The following FBXL16 variants were observed in gnomAD, a reference collection of about 807,000 sequenced individuals.
FBXL16 encodes F-box/LRR-repeat protein 16.
FBXL16 carries 7 observed loss-of-function variants against 36.7 expected under a neutral mutation model. The observed-to-expected ratio is 0.19, with a 90% CI of 0.11 to 0.36. The LOEUF is 0.36. FBXL16 is among the 10% of genes least tolerant of loss of function. FBXL16 has a pLI of 1.00. For missense variants in FBXL16, 463 were observed against 659.4 expected, an observed-to-expected ratio of 0.70 and a Z score of 3.26; for synonymous variants, 355 against 308.7, an observed-to-expected ratio of 1.15 and a Z score of -1.57.
At chr16:695,353 CGCCCCGCCCCGTGCAGCCCCGCCCG>C (rs1435656928) in intron 3 of FBXL16, 37 bp downstream of exon 3, 1 of 1,119,140 alleles carries the variant, frequency 8.9e-7, no homozygotes, top group Non-Finnish European at 1.1e-6. Flanking sequence ...AGCCCCGCCC[CGCCCCGCCCCGTGCAGCCCCGCCCG>C]GCCCAGCCCC....
At chr16:695,282 G>A (rs2040001780) in intron 3 of FBXL16, 133 bp downstream of exon 3, 6 of 1,180,372 alleles carry the variant, frequency 5.1e-6, no homozygotes, top group East Asian at 3.8e-5. Context: ...AGGCTCCGAG[G>A]GCTCTGCCCG....
At position 695,401 on chromosome 16, in the gene FBXL16, C is replaced by A. The variant is rs746726293; in HGVS notation, c.1142+14G>T. 6.6e-7 allele frequency: 1 copy of A among 1,520,838 alleles called. No homozygotes were observed. Among genetic ancestry groups the A allele is most frequent in the Middle Eastern group, 1.8e-4 (1 of 5,412 alleles). 94.2% of individuals were successfully genotyped at this position (1,520,838 alleles called of 1,614,324 possible). On this transcript the variant is annotated intron_variant, in intron 3 of 5. Transcript: ENST00000397621. The stretch of plus-strand genomic sequence containing the variant: ...CCGGCCCAGCCCCGCCCGGCGCGGC[C>A]CGGGGGCGCGCACCTGTCGAGCACG...
At chr16:695,329 C>G in intron 3 of FBXL16, 86 bp downstream of exon 3, 3 of 1,078,626 alleles carry the variant, frequency 2.8e-6, no homozygotes, top group Non-Finnish European at 3.4e-6. Context: ...AAGCCCCCGC[C>G]CCCGGCCCCG....
In FBXL16 at chr16:695,022, G is replaced by A; in HGVS notation, c.1197C>T (p.Leu399=). The A allele has an allele frequency of 1.3e-6, 2 of 1,571,540 alleles. No homozygotes were observed. The highest frequency in any genetic ancestry group is 1.2e-5 in the South Asian group (1 of 85,910). Residue 399 remains leucine, a synonymous_variant, in exon 4 of 6, where the codon CTC becomes CTT. Coordinates refer to ENST00000397621, the MANE Select transcript of FBXL16 (RefSeq NM_153350.4). ...AGCACCATCGCAGGTAGAGGCTGCG[G>A]AGGGACGACATGGTGGACAGATAGC... The part of the protein sequence containing the change: ...GLSYLSTMSS[L]RSLYLRWCCQ...
intron 3 of FBXL16, 48 bp downstream of exon 3, chr16:695,367 C>A (rs1483147708): frequency 3.0e-6 from 4 of 1,331,864 alleles, no homozygotes; most frequent in Admixed American, 6.9e-5. Context: ...CCGCCCCGTG[C>A]AGCCCCGCCC....
Position 697,646 on chromosome 16 carries a change from A to T in FBXL16, c.-14-227T>A, listed in dbSNP as rs1467179078. On this transcript the variant is annotated intron_variant, in intron 1 of 5. Coordinates refer to ENST00000397621, the MANE Select transcript of FBXL16 (RefSeq NM_153350.4). This position sits in a 1 kb window ranked among gnomAD's most constrained non-coding sequence, Gnocchi z 4.6. Reference sequence around the variant, plus strand: ...CACTCACTGGGCACCTACGGTATGCACTGAGCCCAACCTTCATTGCCCATG... The same window carrying T: ...CACTCACTGGGCACCTACGGTATGCTCTGAGCCCAACCTTCATTGCCCATG... Among the ~76,000 whole-genome samples the T allele has an allele frequency of 6.6e-6, 1 of 152,188 alleles. No homozygotes were observed. The highest frequency in any genetic ancestry group is 1.5e-5 in the Non-Finnish European group (1 of 68,032).
chr16:694,667 C>T lies in FBXL16; in HGVS notation c.1258G>A (p.Ala420Thr). 6.2e-7 allele frequency: 1 copy of T among 1,609,702 alleles called. No individual in the cohort carries two copies. Among genetic ancestry groups the T allele is most frequent in the Non-Finnish European group, 8.5e-7 (1 of 1,178,362 alleles). Residue 420 changes from alanine (A) to threonine (T), a missense_variant, in exon 5 of 6, where the codon GCC becomes ACC. Around this residue, in one of 3 missense-constraint regions of FBXL16, gnomAD observed 134 missense variants for 172.0 expected, o/e 0.78. Transcript: ENST00000397621. ...GACAGGAGGCGCAAACTCCCCAGGG[C>T]CAGGAGGTGCTTCAGCCCGAAGTCT... ...VQDFGLKHLL[A>T]LGSLRLLSLA...
rs530508147 is a variant in FBXL16 at position 705,257 on chromosome 16, C to T, written c.-15+255G>A. Among the ~76,000 whole-genome samples the T allele has an allele frequency of 2.8e-4, 42 of 152,320 alleles. No homozygotes were observed. In the East Asian group the frequency reaches 7.7e-3, roughly 28 times the overall value. ...GTCCCAGGAGGCACGGACCCCCAGC[C>T]CCGGCCGAGTGGCCAGTGGGGAGCG... is the stretch of plus-strand genomic sequence containing the variant. On this transcript the variant is annotated intron_variant, in intron 1 of 5. Coordinates refer to ENST00000397621, the MANE Select transcript of FBXL16 (RefSeq NM_153350.4).
intron 1 of FBXL16, among the ~76,000 whole-genome samples, chr16:704,478 G>A (rs1232055413): frequency 6.6e-6 from 1 of 152,196 alleles, no homozygotes; most frequent in Non-Finnish European, 1.5e-5. Flanking sequence ...CCCTCCAGGC[G>A]GCTCCAGGTC....
chr16:697,546 A>C lies in FBXL16; in HGVS notation c.-14-127T>G. ...TATGGTGCTCCCAGAACCACCAGAC[A>C]GAGAGGATGGGAGTGCCTGCTTCTC... On this transcript the variant is annotated intron_variant, in intron 1 of 5. Coordinates refer to ENST00000397621, the MANE Select transcript of FBXL16 (RefSeq NM_153350.4). This position sits in a 1 kb window ranked among gnomAD's most constrained non-coding sequence, Gnocchi z 4.6. 1 of 1,226,340 alleles carries C rather than the reference A, an allele frequency of 8.2e-7. No homozygotes were observed. Among genetic ancestry groups the C allele is most frequent in the Non-Finnish European group, 1.1e-6 (1 of 915,940 alleles). The allele number at this position is 1,226,340 out of a possible 1,614,324, so 76.0% of individuals were successfully genotyped here.
intron 2 of FBXL16, 134 bp downstream of exon 2, chr16:696,639 C>T (rs1241474364): frequency 8.4e-6 from 6 of 710,992 alleles, no homozygotes; most frequent in Admixed American, 9.6e-5. Context: ...CCCACATTTT[C>T]GCTTTGCGCG....
intron 1 of FBXL16, among the ~76,000 whole-genome samples, chr16:699,194 G>C (rs1443205052): frequency 6.6e-6 from 1 of 152,248 alleles, no homozygotes; most frequent in Non-Finnish European, 1.5e-5. Flanking sequence ...AGTTCGGGCA[G>C]AGCTGGCTGA....
In FBXL16 at chr16:692,897, CTCTT is replaced by C. The variant is rs1314436076; in HGVS notation, c.*1374_*1377del. 1.3e-5 allele frequency: 2 copies of C among 152,236 alleles called. No homozygotes were observed. Among genetic ancestry groups the C allele is most frequent in the South Asian group, 2.1e-4 (1 of 4,830 alleles). The allele number at this position is 152,236 out of a possible 1,614,324, so 9.4% of individuals were successfully genotyped here. A position where few individuals can be genotyped will look rare whatever the true frequency, so the allele number is the denominator to read the frequency against. ...TTCTGATTCAACAGCATCTCTCTCT[CTCTT>C]TCTCTCTCTCTCTCACTCTCTTTCT... On this transcript the variant is annotated 3_prime_UTR_variant, in exon 6 of 6. Transcript: ENST00000397621.
chr16:698,326 G>A (rs1360382845), intron 1 of FBXL16, among the ~76,000 whole-genome samples: 4 of 152,192 alleles, frequency 2.6e-5, no homozygotes, highest in Admixed American at 2.0e-4. Flanking sequence ...TTTGCCCAGT[G>A]AGGCGAAGAA....
In FBXL16 at chr16:695,407, G is replaced by A. The variant is rs1478543628; in HGVS notation, c.1142+8C>T. 2.0e-6 allele frequency: 3 copies of A among 1,524,834 alleles called. No individual in the cohort carries two copies. Among genetic ancestry groups the A allele is most frequent in the East Asian group, 2.5e-5 (1 of 40,442 alleles). 94.5% of individuals were successfully genotyped at this position (1,524,834 alleles called of 1,614,324 possible). A position where few individuals can be genotyped will look rare whatever the true frequency, so the allele number is the denominator to read the frequency against. ...CAGCCCCGCCCGGCGCGGCCCGGGGGCGCGCACCTGTCGAGCACGAGCTCC... is the reference window on the plus strand; with the variant it reads ...CAGCCCCGCCCGGCGCGGCCCGGGGACGCGCACCTGTCGAGCACGAGCTCC... On this transcript the variant is annotated splice_region_variant and intron_variant, in intron 3 of 5. Coordinates refer to ENST00000397621, the MANE Select transcript of FBXL16 (RefSeq NM_153350.4).
At chr16:703,271 AC>A (rs1190882624) in intron 1 of FBXL16, among the ~76,000 whole-genome samples, 1 of 151,836 alleles carries the variant, frequency 6.6e-6, no homozygotes, top group Non-Finnish European at 1.5e-5. Flanking sequence ...CCGCGTGCCC[AC>A]CCCTGGGACA....
Position 694,274 on chromosome 16 carries a change from G to A in FBXL16, c.*1C>T, listed in dbSNP as rs2039993129. 6 of 1,391,256 alleles carry A rather than the reference G, an allele frequency of 4.3e-6. No individual in the cohort carries two copies. The highest frequency in any genetic ancestry group is 5.6e-6 in the Non-Finnish European group (6 of 1,069,462). The allele number at this position is 1,391,256 out of a possible 1,614,324, so 86.2% of individuals were successfully genotyped here. On this transcript the variant is annotated 3_prime_UTR_variant, in exon 6 of 6. Transcript: ENST00000397621. ...CCCGCGACCGGGGCGGGGGCCTCGC[G>A]CTACTCAATGACGAGGCAGCGGGGC... is the stretch of plus-strand genomic sequence containing the variant.
In FBXL16 at chr16:705,195, G is replaced by A. The variant is rs940984304; in HGVS notation, c.-15+317C>T. Among the ~76,000 whole-genome samples, 4 of 152,308 alleles carry A rather than the reference G, an allele frequency of 2.6e-5. No individual in the cohort carries two copies. The South Asian group carries it at 6.2e-4, about 24-fold the overall frequency. ...GCCCTCTGAGCCGACCAGGCGCCCG[G>A]GGTGGAGGCCGGGGGCCTACAATTC... On this transcript the variant is annotated intron_variant, in intron 1 of 5. Transcript: ENST00000397621.
At chr16:698,195 G>A (rs992218971) in intron 1 of FBXL16, among the ~76,000 whole-genome samples, 5 of 151,870 alleles carry the variant, frequency 3.3e-5, no homozygotes, top group African/African-American at 7.3e-5. Flanking sequence ...TAGAGATGGG[G>A]TTTCTCCATG....
Sources: gnomAD v4.1 joint callset for allele counts (sites outside exome capture counted in the v4.1 genomes callset) on GRCh38, gnomAD v4.1.1 for gene constraint, gnomAD v4.1.1 regional missense constraint, Gnocchi (gnomAD v3.1) non-coding constraint, MANE v1.5 for transcripts, NCBI Gene and HGNC (gene_info 2026-07-23, HGNC 2026-07-21) for gene names.